The following TRPM3 variants were observed in gnomAD, a reference collection of about 807,000 sequenced individuals.
TRPM3 encodes the protein transient receptor potential cation channel subfamily M member 3.
In TRPM3, 77 loss-of-function variants were observed where a neutral mutation model predicts 181.2. The observed-to-expected ratio is 0.42, with a 90% CI of 0.35 to 0.51. TRPM3 has a LOEUF of 0.51. Ranked by LOEUF, TRPM3 falls within the 20% of genes least tolerant of loss-of-function variation. The pLI, the probability that TRPM3 is intolerant of heterozygous loss-of-function variation, is 0.01. For missense variants in TRPM3, 1,759 were observed against 2,196.7 expected, an observed-to-expected ratio of 0.80 and a Z score of 3.98; for synonymous variants, 745 against 796.4, an observed-to-expected ratio of 0.94 and a Z score of 1.09.
intron 1 of TRPM3, among the ~76,000 whole-genome samples, chr9:71,216,350 G>C (rs1177087492): frequency 6.6e-6 from 1 of 152,182 alleles, no homozygotes; most frequent in Non-Finnish European, 1.5e-5. Context: ...CTCTCTCATA[G>C]ATGTCTAGTT....
intron 8 of TRPM3, among the ~76,000 whole-genome samples, chr9:70,744,775 A>G (rs1454218750): frequency 6.6e-6 from 1 of 152,164 alleles, no homozygotes; most frequent in African/African-American, 2.4e-5. Context: ...ATATTCATTC[A>G]GATTGTTCTG....
rs150804876 is a variant in TRPM3 at position 70,756,805 on chromosome 9, C to T, written c.1272+4796G>A. ...GAAACCAGTAAGAACAAAGACACAA[C>T]GTACCAGAATCTCTGGGACACAGCT... is the stretch of plus-strand genomic sequence containing the variant. On this transcript the variant is annotated intron_variant, in intron 8 of 25. Coordinates refer to ENST00000677713, the MANE Select transcript of TRPM3 (RefSeq NM_001366145.2). 6.5e-3 allele frequency among the ~76,000 whole-genome samples: 983 copies of T among 152,200 alleles called. 11 individuals carry two copies. The highest frequency in any genetic ancestry group is 0.022 in the African/African-American group (896 of 41,532).
intron 8 of TRPM3, among the ~76,000 whole-genome samples, chr9:70,690,909 G>A (rs772576190): frequency 8.5e-5 from 13 of 152,100 alleles, no homozygotes; most frequent in Non-Finnish European, 1.9e-4. Context: ...AAACATATTC[G>A]TATTCGATTT....
chr9:70,618,660 T>C (rs1320596017), intron 17 of TRPM3, among the ~76,000 whole-genome samples: 3 of 152,222 alleles, frequency 2.0e-5, no homozygotes, highest in Non-Finnish European at 4.4e-5. Flanking sequence ...GAGATGCTAA[T>C]GCAGCAGGAC....
intron 3 of TRPM3, among the ~76,000 whole-genome samples, chr9:70,850,871 T>G (rs911981181): frequency 6.6e-6 from 1 of 152,234 alleles, no homozygotes; most frequent in Non-Finnish European, 1.5e-5. Flanking sequence ...TTATCAACTT[T>G]AACGTATCAC....
rs2040997313 is a variant in TRPM3 at position 70,532,336 on chromosome 9, T to A, written c.*3617A>T. Reference sequence around the variant, plus strand: ...AGAAGAAACACATTTTGTGTTTTTATGAGTACATTTTTCTCGTTTGATTAT... The same window carrying A: ...AGAAGAAACACATTTTGTGTTTTTAAGAGTACATTTTTCTCGTTTGATTAT... On this transcript the variant is annotated 3_prime_UTR_variant, in exon 26 of 26. Coordinates refer to ENST00000677713, the MANE Select transcript of TRPM3 (RefSeq NM_001366145.2). The A allele has an allele frequency of 6.6e-6, 1 of 152,256 alleles. No homozygotes were observed. The highest frequency in any genetic ancestry group is 6.5e-5 in the Admixed American group (1 of 15,288). The allele number at this position is 152,256 out of a possible 1,614,324, so 9.4% of individuals were successfully genotyped here. A position where few individuals can be genotyped will look rare whatever the true frequency, so the allele number is the denominator to read the frequency against.
intron 1 of TRPM3, among the ~76,000 whole-genome samples, chr9:71,191,208 A>G (rs1399733022): frequency 6.6e-6 from 1 of 151,808 alleles, no homozygotes; most frequent in African/African-American, 2.4e-5. Context: ...ATGGGTCTGT[A>G]ATTTCTGACT....
chr9:71,017,978 T>TTA (rs2097798725), intron 1 of TRPM3, among the ~76,000 whole-genome samples: 1 of 152,000 alleles, frequency 6.6e-6, no homozygotes, highest in Admixed American at 6.6e-5. Context: ...CATGTAAATG[T>TTA]TATGATCACA....
chr9:71,337,327 GCTC>G (rs1279140185), intron 1 of TRPM3, among the ~76,000 whole-genome samples: 2 of 152,152 alleles, frequency 1.3e-5, no homozygotes, highest in African/African-American at 4.8e-5. Context: ...CATGAAAAAA[GCTC>G]ATCATCACTG....
chr9:71,370,590 T>G (rs1229072061), intron 1 of TRPM3, among the ~76,000 whole-genome samples: 3 of 152,140 alleles, frequency 2.0e-5, no homozygotes, highest in Non-Finnish European at 4.4e-5. Context: ...TGCAGAAGAA[T>G]AGTTTGAAGC....
intron 1 of TRPM3, among the ~76,000 whole-genome samples, chr9:71,139,260 G>T (rs952351980): frequency 2.6e-5 from 4 of 152,138 alleles, no homozygotes; most frequent in Admixed American, 6.6e-5. Flanking sequence ...AGTACACACA[G>T]CAATGGCCGT....
intron 25 of TRPM3, among the ~76,000 whole-genome samples, chr9:70,539,073 A>G (rs2042547953): frequency 6.6e-6 from 1 of 152,226 alleles, no homozygotes; most frequent in Non-Finnish European, 1.5e-5. Context: ...TCCAATATGC[A>G]AAGTAAATCA....
intron 1 of TRPM3, among the ~76,000 whole-genome samples, chr9:71,040,193 T>C (rs2132930350): frequency 6.6e-6 from 1 of 152,228 alleles, no homozygotes; most frequent in Non-Finnish European, 1.5e-5. Context: ...AAAACCAAAA[T>C]CTCTTATGTC....
chr9:71,319,266 T>C (rs1038206295), intron 1 of TRPM3, among the ~76,000 whole-genome samples: 2 of 152,044 alleles, frequency 1.3e-5, no homozygotes, highest in Non-Finnish European at 2.9e-5. Flanking sequence ...GGCTGAGATG[T>C]ATCGTGTGGG....
At chr9:71,278,403 A>C (rs1055815636) in intron 1 of TRPM3, among the ~76,000 whole-genome samples, 1 of 152,248 alleles carries the variant, frequency 6.6e-6, no homozygotes, top group Non-Finnish European at 1.5e-5. Context: ...AGTTAGGGAA[A>C]GGTAAGAGCA....
At chr9:71,168,166 T>G (rs1309864020) in intron 1 of TRPM3, among the ~76,000 whole-genome samples, 3 of 152,190 alleles carry the variant, frequency 2.0e-5, no homozygotes. Flanking sequence ...CAAAATGGAC[T>G]AGAAGGAAAT....
At chr9:71,442,336 T>C (rs1434407667) in intron 1 of TRPM3, among the ~76,000 whole-genome samples, 1 of 152,234 alleles carries the variant, frequency 6.6e-6, no homozygotes, top group African/African-American at 2.4e-5. Flanking sequence ...GTTTCTTTTT[T>C]TCCTTTTACA....
At chr9:71,032,776 G>T (rs1005340538) in intron 1 of TRPM3, among the ~76,000 whole-genome samples, 3 of 152,108 alleles carry the variant, frequency 2.0e-5, no homozygotes, top group Non-Finnish European at 2.9e-5. Context: ...ACCACCATGG[G>T]TTCTCAACAA....
At chr9:71,024,200 C>T (rs2097871283) in intron 1 of TRPM3, among the ~76,000 whole-genome samples, 1 of 152,010 alleles carries the variant, frequency 6.6e-6, no homozygotes, top group Admixed American at 6.6e-5. Flanking sequence ...AATAAAAACA[C>T]AAAATACTTT....
Sources: gnomAD v4.1 joint callset for allele counts (sites outside exome capture counted in the v4.1 genomes callset) on GRCh38, gnomAD v4.1.1 for gene constraint, MANE v1.5 for transcripts, NCBI Gene and HGNC (gene_info 2026-07-23, HGNC 2026-07-21) for gene names.